The following HK1 variants were observed in gnomAD, a reference collection of about 807,000 sequenced individuals.
HK1 encodes hexokinase-1.
In HK1, 28 loss-of-function variants were observed where a neutral mutation model predicts 91.6. The observed-to-expected ratio is 0.31, with a 90% CI of 0.23 to 0.42. The LOEUF (loss-of-function observed/expected upper bound fraction) is 0.42, where lower values mean the gene tolerates loss of function less well. HK1 is among the 10% of genes least tolerant of loss of function. HK1 has a pLI of 1.00. For synonymous variants in HK1, 430 were observed against 468.1 expected (o/e 0.92, Z 1.05); for missense variants, 770 against 1,219.8 (o/e 0.63, Z 5.49).
intron 8 of HK1, among the ~76,000 whole-genome samples, chr10:69,379,433 A>G (rs193010330): frequency 6.6e-6 from 1 of 152,322 alleles, no homozygotes; most frequent in Admixed American, 6.5e-5. Context: ...AACAAAAGAT[A>G]CACAAAACAC....
rs1839318678 is a variant in HK1, at chr10:69,380,177, G to A, written c.1265+82G>A. The A allele has an allele frequency of 1.5e-5, 17 of 1,166,332 alleles. No homozygotes were observed. Among genetic ancestry groups the A allele is most frequent in the Admixed American group, 1.1e-4 (6 of 53,992 alleles). 72.2% of individuals were successfully genotyped at this position (1,166,332 alleles called of 1,614,324 possible). A position where few individuals can be genotyped will look rare whatever the true frequency, so the allele number is the denominator to read the frequency against. On this transcript the variant is annotated intron_variant, in intron 9 of 17. Coordinates refer to ENST00000359426, the MANE Select transcript of HK1 (RefSeq NM_000188.3). The surrounding 1 kb of genome is among the most constrained non-coding windows in gnomAD (Gnocchi z 4.0). The stretch of plus-strand genomic sequence containing the variant: ...CTCCAGAGATCAGACTTTTGTACCC[G>A]GTAAACGTTTTTCGGCAGACAAGAC...
At position 69,392,110 on chromosome 10, in the gene HK1, C is replaced by T. The variant is rs763981671; in HGVS notation, c.2036-15C>T. 2 of 1,614,114 alleles carry T rather than the reference C, an allele frequency of 1.2e-6. No homozygotes were observed. The highest frequency in any genetic ancestry group is 1.1e-5 in the South Asian group (1 of 91,072). On this transcript the variant is annotated splice_polypyrimidine_tract_variant and intron_variant, in intron 14 of 17. Coordinates refer to ENST00000359426, the MANE Select transcript of HK1 (RefSeq NM_000188.3). ...GCAAGGCCACCGCTCCTCATTGCCCCCTCGTGTGTTCCAGGGACCGGCAGC... is the reference window on the plus strand; with the variant it reads ...GCAAGGCCACCGCTCCTCATTGCCCTCTCGTGTGTTCCAGGGACCGGCAGC...
chr10:69,298,696 A>G (rs1317460819), intron 4 of HK1, among the ~76,000 whole-genome samples: 2 of 151,866 alleles, frequency 1.3e-5, no homozygotes, highest in Admixed American at 1.3e-4. Flanking sequence ...AAGATGGCTG[A>G]TAATTTTCCT....
upstream of HK1, chr10:69,316,070 T>C: frequency 2.9e-6 from 4 of 1,368,610 alleles, no homozygotes; most frequent in Non-Finnish European, 4.2e-6. Context: ...TGAGAGGGGA[T>C]GCTTGGTCAG....
At chr10:69,296,660 G>T (rs1845578533) in intron 4 of HK1, among the ~76,000 whole-genome samples, 1 of 152,164 alleles carries the variant, frequency 6.6e-6, no homozygotes, top group Non-Finnish European at 1.5e-5. Context: ...TGAAGAAGAG[G>T]AAAGCATGTG....
intron 13 of HK1, among the ~76,000 whole-genome samples, chr10:69,388,940 G>A (rs1332262961): frequency 6.6e-6 from 1 of 152,166 alleles, no homozygotes; most frequent in African/African-American, 2.4e-5. Context: ...CCTATTCTAT[G>A]ATTCCTCTAA....
chr10:69,363,326 T>G (rs1849533479), intron 3 of HK1, among the ~76,000 whole-genome samples: 1 of 152,188 alleles, frequency 6.6e-6, no homozygotes, highest in Admixed American at 6.5e-5. Context: ...GAAGGGAGGT[T>G]CTTAGTTCTA....
intron 3 of HK1, among the ~76,000 whole-genome samples, chr10:69,294,007 G>A (rs929070206): frequency 2.2e-4 from 34 of 151,536 alleles, no homozygotes; most frequent in South Asian, 2.1e-3. Context: ...GACTACAGGC[G>A]CCCACCACCA....
chr10:69,357,768 T>C (rs796330467), intron 2 of HK1, among the ~76,000 whole-genome samples: 7 of 152,214 alleles, frequency 4.6e-5, no homozygotes, highest in African/African-American at 1.7e-4. Context: ...ATGATTTCAT[T>C]GATATGAAAT....
chr10:69,391,769 C>T (rs767218431), intron 14 of HK1, among the ~76,000 whole-genome samples: 2 of 152,078 alleles, frequency 1.3e-5, no homozygotes, highest in African/African-American at 2.4e-5. Context: ...TGTGTGTGTA[C>T]GTATATATTT....
chr10:69,363,413 C>T (rs1849538677), intron 3 of HK1, among the ~76,000 whole-genome samples: 1 of 152,228 alleles, frequency 6.6e-6, no homozygotes, highest in Non-Finnish European at 1.5e-5. Context: ...GGGTCTCACT[C>T]TGCTGCCCAG....
chr10:69,351,455 G>A (rs934423734), intron 2 of HK1, among the ~76,000 whole-genome samples: 8 of 152,304 alleles, frequency 5.3e-5, no homozygotes, highest in African/African-American at 1.9e-4. Flanking sequence ...GTTGCAGTGA[G>A]CCGAGATCGC....
chr10:69,387,543 T>TC (rs34694521), intron 13 of HK1, among the ~76,000 whole-genome samples: 101,738 of 151,966 alleles, frequency 0.67, 35,186 homozygotes, highest in South Asian at 0.79. Context: ...CGCCTTGGCC[T>TC]CCAAAGTGTT....
intron 1 of HK1, among the ~76,000 whole-genome samples, chr10:69,332,990 C>T (rs548234614): frequency 3.3e-4 from 50 of 152,278 alleles, no homozygotes; most frequent in African/African-American, 1.2e-3. Flanking sequence ...TCTGTGTGCC[C>T]TGGCCAAATG....
chr10:69,276,961 C>G (rs948363162), intron 1 of HK1, among the ~76,000 whole-genome samples: 3 of 151,986 alleles, frequency 2.0e-5, no homozygotes, highest in African/African-American at 7.2e-5. Context: ...GCCCATCATA[C>G]TGAAATGGTC....
At chr10:69,392,332 C>CA (rs1564568548) in intron 15 of HK1, 24 bp downstream of exon 15, 1 of 1,613,388 alleles carries the variant, frequency 6.2e-7, no homozygotes, top group Admixed American at 1.7e-5. Flanking sequence ...GTGGAGAGGA[C>CA]ACTCACAGTC....
Position 69,293,924 on chromosome 10 carries a change from T to A in HK1, c.-114-1709T>A, listed in dbSNP as rs182078824. 9.8e-3 allele frequency among the ~76,000 whole-genome samples: 1,423 copies of A among 145,788 alleles called. 30 individuals are homozygous for A. Among genetic ancestry groups the A allele is most frequent in the African/African-American group, 0.035 (1,372 of 38,912 alleles). On this transcript the variant is annotated intron_variant, in intron 3 of 21. Transcript: ENST00000360289. ...TGGCTCAGGCTGGAGTGCAGTGGCG[T>A]GATCTCGGCTCACTGCAAGCTCCGC...
At chr10:69,357,218 C>G (rs1178856054) in intron 2 of HK1, among the ~76,000 whole-genome samples, 1 of 152,114 alleles carries the variant, frequency 6.6e-6, no homozygotes, top group Non-Finnish European at 1.5e-5. Flanking sequence ...GAAAACGTGT[C>G]CACACAAAAA....
chr10:69,320,487 C>A (rs187895844), intron 1 of HK1, among the ~76,000 whole-genome samples: 185 of 152,238 alleles, frequency 1.2e-3, no homozygotes, highest in African/African-American at 4.3e-3. Flanking sequence ...TGGCCACTGA[C>A]CTGGGAGCTG....
Sources: gnomAD v4.1 joint callset for allele counts (sites outside exome capture counted in the v4.1 genomes callset) on GRCh38, gnomAD v4.1.1 for gene constraint, Gnocchi (gnomAD v3.1) non-coding constraint, MANE v1.5 for transcripts, NCBI Gene and HGNC (gene_info 2026-07-23, HGNC 2026-07-21) for gene names.